TAF4B: variants seen among roughly 807,000 people sequenced by gnomAD.
The protein encoded by TAF4B is TATA-box binding protein associated factor 4b.
TAF4B carries 38 observed loss-of-function variants against 86.4 expected under a neutral mutation model. The ratio of observed to expected loss-of-function variants is 0.44; its 90% CI spans 0.34 to 0.58. The LOEUF is 0.58. TAF4B is among the 20% of genes least tolerant of loss of function. The probability of loss-of-function intolerance (pLI) is 0.02; values close to 1 mark genes in which losing one functional copy is unlikely to be tolerated. For missense variants in TAF4B, 988 were observed against 1,027.6 expected, an observed-to-expected ratio of 0.96 and a Z score of 0.53; for synonymous variants, 388 against 391.2, an observed-to-expected ratio of 0.99 and a Z score of 0.10.
intron 12 of TAF4B, among the ~76,000 whole-genome samples, chr18:26,332,812 G>A (rs2057061526): frequency 2.0e-5 from 3 of 152,186 alleles, no homozygotes; most frequent in South Asian, 2.1e-4. Flanking sequence ...GATTACAGGC[G>A]TGAGCCACCG....
intron 1 of TAF4B, among the ~76,000 whole-genome samples, chr18:26,260,347 G>A (rs558249721): frequency 6.6e-6 from 1 of 152,284 alleles, no homozygotes; most frequent in South Asian, 2.1e-4. Context: ...TAGACATGAA[G>A]TCCTTGCCCA....
intron 1 of TAF4B, among the ~76,000 whole-genome samples, chr18:26,228,919 G>A (rs966345100): frequency 4.6e-5 from 7 of 152,126 alleles, no homozygotes; most frequent in African/African-American, 1.7e-4. Context: ...GTCATAATAG[G>A]TAGGTAGCAA....
chr18:26,278,934 A>ATGGGC (rs2056414301), intron 5 of TAF4B, among the ~76,000 whole-genome samples: 1 of 151,946 alleles, frequency 6.6e-6, no homozygotes. Context: ...ATCATATTGA[A>ATGGGC]TGGGCAGAAG....
intron 5 of TAF4B, among the ~76,000 whole-genome samples, chr18:26,280,694 G>T (rs566878775): frequency 6.6e-6 from 1 of 152,212 alleles, no homozygotes; most frequent in Admixed American, 6.5e-5. Flanking sequence ...CTTATACGCT[G>T]TTGGTGGGAA....
At chr18:26,260,087 G>T (rs1010739944) in intron 1 of TAF4B, among the ~76,000 whole-genome samples, 3 of 152,074 alleles carry the variant, frequency 2.0e-5, no homozygotes, top group African/African-American at 7.2e-5. Context: ...GTCTTCTTTT[G>T]AGAAGTGTCT....
Position 26,324,780 on chromosome 18 carries a change from TAAC to T in TAF4B, c.2134-2232_2134-2230del, listed in dbSNP as rs202073678. Among the ~76,000 whole-genome samples the T allele has an allele frequency of 9.4e-3, 1,427 of 152,338 alleles. 11 individuals are homozygous for T. The highest frequency in any genetic ancestry group is 0.032 in the African/African-American group (1,327 of 41,574). ...TGTCTACATTTGCGTATATATAAAA[TAAC>T]AAAAGATTATCAGCCCTTTTAAGTC... On this transcript the variant is annotated intron_variant, in intron 11 of 14. Coordinates refer to ENST00000269142, the MANE Select transcript of TAF4B (RefSeq NM_005640.3).
chr18:26,288,745 T>A (rs1378825316), intron 7 of TAF4B, among the ~76,000 whole-genome samples: 1 of 152,126 alleles, frequency 6.6e-6, no homozygotes, highest in African/African-American at 2.4e-5. Flanking sequence ...AACTTCTAGG[T>A]TTCTGGAATG....
chr18:26,251,412 G>A (rs887738828), intron 1 of TAF4B, among the ~76,000 whole-genome samples: 2 of 152,102 alleles, frequency 1.3e-5, no homozygotes, highest in African/African-American at 4.8e-5. Flanking sequence ...TGCTGTGAAT[G>A]TGGAGAAGTC....
At chr18:26,231,205 A>G (rs1227080774) in intron 1 of TAF4B, among the ~76,000 whole-genome samples, 4 of 150,940 alleles carry the variant, frequency 2.7e-5, no homozygotes, top group Non-Finnish European at 5.9e-5. Flanking sequence ...ACCCTTGGCT[A>G]ATTTTTGTTG....
At chr18:26,283,286 A>G (rs2056472030) in intron 6 of TAF4B, among the ~76,000 whole-genome samples, 1 of 152,216 alleles carries the variant, frequency 6.6e-6, no homozygotes, top group Non-Finnish European at 1.5e-5. Flanking sequence ...GAAAGTAAGA[A>G]TTACTCCTTG....
intron 1 of TAF4B, among the ~76,000 whole-genome samples, chr18:26,232,559 G>C (rs2055689004): frequency 6.6e-6 from 1 of 152,190 alleles, no homozygotes; most frequent in Admixed American, 6.5e-5. Flanking sequence ...AAGGGGAGAA[G>C]CCATGTCGCC....
chr18:26,236,338 C>T (rs947871799), intron 1 of TAF4B, among the ~76,000 whole-genome samples: 5 of 152,212 alleles, frequency 3.3e-5, no homozygotes, highest in African/African-American at 1.2e-4. Flanking sequence ...CTGTCTGGGG[C>T]AGGAGATTAA....
intron 5 of TAF4B, among the ~76,000 whole-genome samples, chr18:26,276,987 G>A (rs2056391720): frequency 6.6e-6 from 1 of 152,078 alleles, no homozygotes; most frequent in South Asian, 2.1e-4. Flanking sequence ...TTTGGTTTTA[G>A]GATACCTTTA....
At chr18:26,384,194 G>A (rs1006687399) in intron 14 of TAF4B, among the ~76,000 whole-genome samples, 4 of 152,266 alleles carry the variant, frequency 2.6e-5, no homozygotes, top group Admixed American at 2.0e-4. Flanking sequence ...TGTAAATCAG[G>A]TAGAATCTGA....
intron 9 of TAF4B, among the ~76,000 whole-genome samples, chr18:26,299,494 G>A (rs1265879149): frequency 6.6e-6 from 1 of 151,918 alleles, no homozygotes; most frequent in African/African-American, 2.4e-5. Flanking sequence ...TTTGTTCTTA[G>A]AGTGTGTTTG....
chr18:26,285,149 T>G (rs1487242871), intron 6 of TAF4B, among the ~76,000 whole-genome samples: 2 of 150,288 alleles, frequency 1.3e-5, no homozygotes, highest in African/African-American at 4.9e-5. Context: ...ATTTTTGTGT[T>G]TTTTGTAGAG....
intron 9 of TAF4B, among the ~76,000 whole-genome samples, chr18:26,304,128 TAGAC>T (rs1272982371): frequency 6.7e-6 from 1 of 149,976 alleles, no homozygotes; most frequent in African/African-American, 2.4e-5. Flanking sequence ...ATTATTTATA[TAGAC>T]AATGTCAAGA....
At chr18:26,330,874 C>G (rs1213248932) in intron 12 of TAF4B, among the ~76,000 whole-genome samples, 1 of 152,150 alleles carries the variant, frequency 6.6e-6, no homozygotes, top group Non-Finnish European at 1.5e-5. Flanking sequence ...CTCAACTAGC[C>G]ATGCTGGCTG....
intron 9 of TAF4B, 35 bp from the exon 10 acceptor site, chr18:26,315,190 CACAA>C (rs770212431): frequency 6.7e-5 from 94 of 1,395,208 alleles, no homozygotes; most frequent in African/African-American, 5.2e-4. Flanking sequence ...CACACACACA[CACAA>C]CCTAAAATGT....
Sources: gnomAD v4.1 joint callset for allele counts (sites outside exome capture counted in the v4.1 genomes callset) on GRCh38, gnomAD v4.1.1 for gene constraint, MANE v1.5 for transcripts, NCBI Gene and HGNC (gene_info 2026-07-23, HGNC 2026-07-21) for gene names.